Variants in PIK3R6 observed in about 807,000 individuals in gnomAD.
PIK3R6 encodes phosphoinositide 3-kinase regulatory subunit 6.
In PIK3R6, 91 loss-of-function variants were observed where a neutral mutation model predicts 84.9. The ratio of observed to expected loss-of-function variants is 1.07; its 90% confidence interval spans 0.90 to 1.28. The LOEUF (loss-of-function observed/expected upper bound fraction) is 1.28. PIK3R6 is among the 50% of genes most tolerant of loss of function. The pLI, the probability that PIK3R6 is intolerant of heterozygous loss-of-function variation, is 0.00. For synonymous variants in PIK3R6, 416 were observed against 411.4 expected (o/e 1.01, Z -0.13); for missense variants, 996 against 985.1 (o/e 1.01, Z -0.15).
chr17:8,823,144 C>T, intron 14 of PIK3R6, 58 bp from the exon 15 acceptor site: 1 of 1,363,600 alleles, frequency 7.3e-7, no homozygotes, highest in Non-Finnish European at 1.0e-6. Context: ...CACTCTATCC[C>T]TGATTTCCAG....
chr17:8,833,734 G>A (rs1299804884), intron 8 of PIK3R6, among the ~76,000 whole-genome samples: 1 of 151,678 alleles, frequency 6.6e-6, no homozygotes, highest in Non-Finnish European at 1.5e-5. Context: ...TAGAGACGGG[G>A]TTTCACCATG....
At chr17:8,865,608 GTT>G (rs776977752) in intron 1 of PIK3R6, among the ~76,000 whole-genome samples, 7 of 143,214 alleles carry the variant, frequency 4.9e-5, no homozygotes, top group Admixed American at 2.1e-4. Context: ...TCATAGCTGT[GTT>G]TTTTTTTTTT....
At chr17:8,831,750 C>A (rs180945406) in intron 9 of PIK3R6, among the ~76,000 whole-genome samples, 2 of 152,276 alleles carry the variant, frequency 1.3e-5, no homozygotes, top group African/African-American at 4.8e-5. Context: ...GGTGCACGAT[C>A]AGTGACTGTG....
intron 8 of PIK3R6, 65 bp downstream of exon 8, chr17:8,835,208 T>G: frequency 7.4e-7 from 1 of 1,343,806 alleles, no homozygotes; most frequent in Non-Finnish European, 9.8e-7. Context: ...GCAGGGTGAA[T>G]GACTGGTATG....
intron 1 of PIK3R6, among the ~76,000 whole-genome samples, chr17:8,855,508 G>T (rs926179415): frequency 6.6e-6 from 1 of 152,168 alleles, no homozygotes; most frequent in South Asian, 2.1e-4. Flanking sequence ...AAAACCATGA[G>T]ATCTCACTAT....
At chr17:8,861,859 G>A (rs542526146) in intron 1 of PIK3R6, among the ~76,000 whole-genome samples, 30 of 152,306 alleles carry the variant, frequency 2.0e-4, no homozygotes, top group African/African-American at 6.0e-4. Context: ...AAAGGCGAAA[G>A]TTCTCATCTT....
intron 18 of PIK3R6, among the ~76,000 whole-genome samples, chr17:8,805,501 G>A (rs867321891): frequency 9.2e-5 from 14 of 152,134 alleles, no homozygotes; most frequent in African/African-American, 1.9e-4. Flanking sequence ...ACTCCTGTGC[G>A]TCTGAATGGG....
At chr17:8,820,760 T>C (rs144735318) in intron 17 of PIK3R6, among the ~76,000 whole-genome samples, 2 of 152,206 alleles carry the variant, frequency 1.3e-5, no homozygotes, top group African/African-American at 4.8e-5. Context: ...TGCCCACTTA[T>C]GAACACAAAT....
Position 8,828,171 on chromosome 17 carries a change from ACTTCTGGGTCTCC to A in PIK3R6, c.1320_1332del (p.Glu441SerfsTer40). The stretch of plus-strand genomic sequence containing the variant: ...AGGCTGAGTCTGGGAGTGAGGCAGA[ACTTCTGGGTCTCC>A]CGTTTCCTAGCAATGGGCAGCAAAG... On this transcript the variant is annotated frameshift_variant, in exon 12 of 20. Transcript: ENST00000619866. LOFTEE classifies it high-confidence loss of function. The A allele has an allele frequency of 6.2e-7, 1 of 1,613,974 alleles. No homozygotes were observed. The highest frequency in any genetic ancestry group is 2.2e-5 in the East Asian group (1 of 44,886).
intron 13 of PIK3R6, among the ~76,000 whole-genome samples, chr17:8,825,713 T>C (rs1016406954): frequency 2.0e-5 from 3 of 152,220 alleles, no homozygotes; most frequent in Non-Finnish European, 4.4e-5. Context: ...GACAATTAAT[T>C]AAATGTAAAA....
chr17:8,820,328 T>G (rs1328584827), intron 17 of PIK3R6, among the ~76,000 whole-genome samples: 1 of 151,110 alleles, frequency 6.6e-6, no homozygotes, highest in African/African-American at 2.4e-5. Flanking sequence ...GTGAGAGAAA[T>G]GGAAGGAATA....
In PIK3R6 at chr17:8,835,298, G is replaced by T. The variant is rs762909321; in HGVS notation, c.620C>A (p.Ala207Glu). 1 of 1,584,366 alleles carries T rather than the reference G, an allele frequency of 6.3e-7. No individual in the cohort carries two copies. Among genetic ancestry groups the T allele is most frequent in the Non-Finnish European group, 8.6e-7 (1 of 1,161,230 alleles). The change falls in exon 8 of 20, where the codon GCA (alanine) becomes GAA (glutamate). Residue 207 changes from alanine (A) to glutamate (E), a missense_variant. Physicochemically the swap from Ala to Glu is moderately radical, Grantham distance 107 (BLOSUM62 -1). Transcript: ENST00000619866. Reference sequence around the variant, plus strand: ...CTGCAGCTTCCTGTGCAGAGCGCCTGCGTGACAGGCCTCCCCCAGAGCCGC... The same window carrying T: ...CTGCAGCTTCCTGTGCAGAGCGCCTTCGTGACAGGCCTCCCCCAGAGCCGC... Reference protein sequence around the residue: ...LQAALGEACHAGALHRKLQAS... With the variant: ...LQAALGEACHEGALHRKLQAS...
chr17:8,859,973 C>G (rs1183215725), intron 1 of PIK3R6, among the ~76,000 whole-genome samples: 1 of 152,156 alleles, frequency 6.6e-6, no homozygotes, highest in African/African-American at 2.4e-5. Flanking sequence ...TCTGGAGTGG[C>G]CTGACTAATA....
chr17:8,824,519 G>T (rs1050542125), intron 13 of PIK3R6, among the ~76,000 whole-genome samples: 4 of 152,116 alleles, frequency 2.6e-5, no homozygotes, highest in African/African-American at 9.7e-5. Flanking sequence ...CCTTCGAAAG[G>T]GTCACACTGA....
At chr17:8,821,992 T>C in intron 16 of PIK3R6, 56 bp from the exon 17 acceptor site, 1 of 1,369,692 alleles carries the variant, frequency 7.3e-7, no homozygotes, top group Non-Finnish European at 1.0e-6. Flanking sequence ...CCTTTCCCCA[T>C]GCATCCCCAC....
intron 16 of PIK3R6, 124 bp downstream of exon 16, chr17:8,822,463 G>T: frequency 8.9e-7 from 1 of 1,118,750 alleles, no homozygotes. Context: ...GAACTCTGCG[G>T]GCAGCTTCAA....
At chr17:8,859,568 G>A (rs921728306) in intron 1 of PIK3R6, among the ~76,000 whole-genome samples, 1 of 152,194 alleles carries the variant, frequency 6.6e-6, no homozygotes, top group Non-Finnish European at 1.5e-5. Context: ...TGAATGCAGG[G>A]AGTGAGTCAA....
intron 1 of PIK3R6, among the ~76,000 whole-genome samples, chr17:8,866,636 C>G (rs1261063785): frequency 6.6e-6 from 1 of 152,138 alleles, no homozygotes; most frequent in Non-Finnish European, 1.5e-5. Context: ...TTTCCTGCCT[C>G]TGGGGGTTTG....
At chr17:8,833,645 G>A (rs1364909630) in intron 8 of PIK3R6, among the ~76,000 whole-genome samples, 1 of 150,978 alleles carries the variant, frequency 6.6e-6, no homozygotes, top group Admixed American at 6.6e-5. Context: ...GGGTTCAAGC[G>A]ATTCTCCTGC....
Sources: allele counts gnomAD v4.1 joint callset (sites outside exome capture counted in the v4.1 genomes callset), GRCh38; gene constraint gnomAD v4.1.1; transcripts MANE v1.5; gene names NCBI Gene and HGNC (gene_info 2026-07-23, HGNC 2026-07-21).